Variants in ADAMTS17 observed in about 807,000 individuals in gnomAD.
ADAMTS17 encodes the protein ADAM metallopeptidase with thrombospondin type 1 motif 17.
Under a neutral mutation model 141.5 loss-of-function variants are expected in ADAMTS17, and 113 were observed. That is an observed-to-expected ratio of 0.80 (90% CI 0.69 to 0.93). The LOEUF (loss-of-function observed/expected upper bound fraction) is 0.93, where lower values mean the gene tolerates loss of function less well. Ranked by LOEUF, ADAMTS17 falls within the 40% of genes least tolerant of loss-of-function variation. ADAMTS17 has a pLI of 0.00. For missense variants in ADAMTS17, 1,659 were observed against 1,517.9 expected (o/e 1.09, Z -1.54); for synonymous variants, 768 against 630.6 (o/e 1.22, Z -3.27).
chr15:100,100,718 G>T (rs1394890987), intron 14 of ADAMTS17, among the ~76,000 whole-genome samples: 1 of 152,006 alleles, frequency 6.6e-6, no homozygotes. Flanking sequence ...TGAACTATGG[G>T]AGCATTTTTC....
chr15:100,080,041 C>T (rs2034629201), intron 15 of ADAMTS17, among the ~76,000 whole-genome samples: 1 of 152,188 alleles, frequency 6.6e-6, no homozygotes, highest in Admixed American at 6.5e-5. Context: ...AATTAGCATC[C>T]AATATACGGT....
At chr15:99,976,658 T>C (rs1567630775) in intron 20 of ADAMTS17, 1 of 282,712 alleles carries the variant, frequency 3.5e-6, no homozygotes, top group East Asian at 9.7e-5. Flanking sequence ...CTGGGAATAG[T>C]GTGAGAAGGG....
At chr15:100,224,851 C>T (rs1196144757) in intron 7 of ADAMTS17, among the ~76,000 whole-genome samples, 4 of 152,232 alleles carry the variant, frequency 2.6e-5, no homozygotes, top group Non-Finnish European at 4.4e-5. Flanking sequence ...ACAGGGCCAC[C>T]CACAGGTTTT....
chr15:100,175,112 C>A (rs554489354), intron 8 of ADAMTS17, among the ~76,000 whole-genome samples: 5 of 152,138 alleles, frequency 3.3e-5, no homozygotes, highest in Non-Finnish European at 4.4e-5. Context: ...TGAAGGGATT[C>A]GATCTCACAT....
Position 99,992,971 on chromosome 15 carries a change from G to C in ADAMTS17, c.2949+77C>G, listed in dbSNP as rs1181534500. The C allele has an allele frequency of 3.8e-6, 6 of 1,586,646 alleles. No individual in the cohort carries two copies. In the East Asian group the frequency reaches 1.3e-4, roughly 36 times the overall value. On this transcript the variant is annotated intron_variant, in intron 20 of 21. Transcript: ENST00000268070. ...GGACTGCCGCGTAGAATTGGGACCC[G>C]TCACAAGAGCTGAGTTCCCGACCCT... is the stretch of plus-strand genomic sequence containing the variant.
At chr15:99,982,872 G>C (rs1395453869) in intron 20 of ADAMTS17, among the ~76,000 whole-genome samples, 1 of 152,184 alleles carries the variant, frequency 6.6e-6, no homozygotes, top group Non-Finnish European at 1.5e-5. Flanking sequence ...CCGGTGGAGA[G>C]GCAGCCTCTG....
Position 99,972,823 on chromosome 15 carries a change from A to G in ADAMTS17, c.*1579T>C, listed in dbSNP as rs764782964. The G allele has an allele frequency of 6.6e-6, 1 of 152,204 alleles. No individual in the cohort carries two copies. Among genetic ancestry groups the G allele is most frequent in the Non-Finnish European group, 1.5e-5 (1 of 68,040 alleles). The allele number at this position is 152,204 out of a possible 1,614,324, so 9.4% of individuals were successfully genotyped here. ...GCTCGTAAGACAGGGTGGAGAAGGC[A>G]GAGAGGCTTCTTTCTGATTTAAGCT... is the stretch of plus-strand genomic sequence containing the variant. On this transcript the variant is annotated 3_prime_UTR_variant, in exon 22 of 22. Coordinates refer to ENST00000268070, the MANE Select transcript of ADAMTS17 (RefSeq NM_139057.4).
intron 18 of ADAMTS17, among the ~76,000 whole-genome samples, chr15:100,025,070 C>G (rs1408713586): frequency 1.3e-5 from 2 of 152,166 alleles, no homozygotes. Context: ...CTAATGTTGT[C>G]TCCTATAGCC....
chr15:100,096,710 ATTTG>A lies in ADAMTS17; in HGVS notation c.2017-238_2017-235del, dbSNP rs2035782699. 8.5e-4 allele frequency among the ~76,000 whole-genome samples: 9 copies of A among 10,618 alleles called. No homozygotes were observed. In the South Asian group the frequency reaches 0.019, roughly 22 times the overall value. 7.0% of individuals were successfully genotyped at this position (10,618 alleles called of 152,430 possible). ...ATAGCTGTAAAGTCTATTTTTTGGT[ATTTG>A]TTCTGGAGGGAGATCCATGAAGGCA... On this transcript the variant is annotated intron_variant, in intron 14 of 21. Coordinates refer to ENST00000268070, the MANE Select transcript of ADAMTS17 (RefSeq NM_139057.4).
chr15:100,276,832 C>T (rs2044113807), intron 4 of ADAMTS17, among the ~76,000 whole-genome samples: 2 of 152,160 alleles, frequency 1.3e-5, no homozygotes, highest in South Asian at 4.1e-4. Flanking sequence ...AAGCCCTTTT[C>T]TAAAACAGCC....
chr15:100,271,985 T>C (rs940557098), intron 4 of ADAMTS17, among the ~76,000 whole-genome samples: 4 of 151,900 alleles, frequency 2.6e-5, no homozygotes, highest in Admixed American at 6.6e-5. Context: ...CACTTCTCTA[T>C]TGAAGGTCTC....
intron 10 of ADAMTS17, among the ~76,000 whole-genome samples, chr15:100,151,170 G>A (rs1170106207): frequency 1.3e-5 from 2 of 152,180 alleles, no homozygotes; most frequent in East Asian, 3.9e-4. Context: ...TGACATGGGT[G>A]ACAGCTTCCC....
intron 3 of ADAMTS17, among the ~76,000 whole-genome samples, chr15:100,318,880 C>T (rs1049574504): frequency 8.5e-5 from 13 of 152,192 alleles, no homozygotes; most frequent in Non-Finnish European, 1.9e-4. Flanking sequence ...TGGACAACCC[C>T]GCCCATGGCA....
chr15:100,280,838 T>G (rs2044255427), intron 4 of ADAMTS17, among the ~76,000 whole-genome samples: 1 of 151,986 alleles, frequency 6.6e-6, no homozygotes, highest in African/African-American at 2.4e-5. Context: ...GTCAACACAG[T>G]AAGCTCTTTT....
intron 20 of ADAMTS17, among the ~76,000 whole-genome samples, chr15:99,977,397 TA>T (rs1567632561): frequency 6.7e-4 from 5 of 7,444 alleles, no homozygotes; most frequent in Non-Finnish European, 1.4e-3. Flanking sequence ...TATATATATA[TA>T]TAATTTTTTT....
At chr15:100,340,355 G>C (rs1278852313) in intron 2 of ADAMTS17, among the ~76,000 whole-genome samples, 1 of 152,190 alleles carries the variant, frequency 6.6e-6, no homozygotes, top group African/African-American at 2.4e-5. Flanking sequence ...CAGCAAGGGA[G>C]CTCCTGGGGG....
chr15:100,148,612 C>T (rs985962880), intron 10 of ADAMTS17, among the ~76,000 whole-genome samples: 1 of 151,666 alleles, frequency 6.6e-6, no homozygotes, highest in Non-Finnish European at 1.5e-5. Flanking sequence ...TTACCTTTAT[C>T]TGTATATAAC....
At chr15:100,331,509 C>G (rs2046053354) in intron 2 of ADAMTS17, among the ~76,000 whole-genome samples, 1 of 152,076 alleles carries the variant, frequency 6.6e-6, no homozygotes, top group Non-Finnish European at 1.5e-5. Context: ...TTGACAGCAT[C>G]AAAACAATTT....
chr15:100,116,894 CG>C lies in ADAMTS17; in HGVS notation c.1840del (p.Arg614GlyfsTer2). Reference sequence around the variant, plus strand: ...CAGGCCTTTCTTCTTGGGGCTCAGCCGGTCGTGTGCCTGGCACTGCTGGTCC... The same window carrying C: ...CAGGCCTTTCTTCTTGGGGCTCAGCCGTCGTGTGCCTGGCACTGCTGGTCC... ...FRDQQCQAHD[R>X]LSPKKKGLLT... On this transcript the variant is annotated frameshift_variant, in exon 13 of 22. Coordinates refer to ENST00000268070, the MANE Select transcript of ADAMTS17 (RefSeq NM_139057.4). LOFTEE classifies it high-confidence loss of function. 1 of 1,614,156 alleles carries C rather than the reference CG, an allele frequency of 6.2e-7. No homozygotes were observed.
Sources: allele counts gnomAD v4.1 joint callset (sites outside exome capture counted in the v4.1 genomes callset), GRCh38; gene constraint gnomAD v4.1.1; transcripts MANE v1.5; gene names NCBI Gene and HGNC (gene_info 2026-07-23, HGNC 2026-07-21).